Variants in PRR5L observed in about 807,000 individuals in gnomAD.
The protein encoded by PRR5L is proline-rich protein 5-like.
A neutral mutation model predicts 36.4 loss-of-function variants in PRR5L; 21 were observed. That is an observed-to-expected ratio of 0.58 (90% confidence interval 0.41 to 0.83). PRR5L has a LOEUF of 0.83. Ranked by LOEUF, PRR5L falls within the 40% of genes least tolerant of loss-of-function variation. PRR5L has a pLI of 0.00. For missense variants in PRR5L, 381 were observed against 473.3 expected, an observed-to-expected ratio of 0.80 and a Z score of 1.81; for synonymous variants, 188 against 197.0, an observed-to-expected ratio of 0.95 and a Z score of 0.38.
At chr11:36,459,466 T>C (rs1166947360) in intron 8 of PRR5L, among the ~76,000 whole-genome samples, 1 of 152,190 alleles carries the variant, frequency 6.6e-6, no homozygotes, top group East Asian at 1.9e-4. Flanking sequence ...TTCTCCTGCC[T>C]CTCTGACCCA....
intron 1 of PRR5L, among the ~76,000 whole-genome samples, chr11:36,397,443 CTTTTTTTTT>C (rs34024197): frequency 2.7e-3 from 95 of 35,104 alleles, no homozygotes; most frequent in African/African-American, 0.011. Flanking sequence ...CAGCCGATGC[CTTTTTTTTT>C]TTTTTTTTTT....
intron 1 of PRR5L, among the ~76,000 whole-genome samples, chr11:36,314,989 A>G (rs574414157): frequency 6.6e-6 from 1 of 152,354 alleles, no homozygotes; most frequent in Non-Finnish European, 1.5e-5. Flanking sequence ...ATCACAATGT[A>G]TGCTTTTTGT....
At chr11:36,419,457 C>T (rs1858217650) in intron 4 of PRR5L, among the ~76,000 whole-genome samples, 154 bp downstream of exon 4, 1 of 152,196 alleles carries the variant, frequency 6.6e-6, no homozygotes. Context: ...CAGAGGGGCA[C>T]CACTCCTGTG....
At chr11:36,374,696 G>A (rs147724504) in intron 1 of PRR5L, among the ~76,000 whole-genome samples, 12 of 152,276 alleles carry the variant, frequency 7.9e-5, no homozygotes, top group African/African-American at 2.4e-4. Flanking sequence ...AATCCCAGCA[G>A]GGATTCTAAA....
chr11:36,310,802 T>G (rs1052511520), intron 1 of PRR5L, among the ~76,000 whole-genome samples: 10 of 151,924 alleles, frequency 6.6e-5, no homozygotes, highest in South Asian at 2.1e-4. Context: ...ATTGAGACCA[T>G]CCTGGCGAAC....
At chr11:36,353,456 A>G (rs1856995388) in intron 1 of PRR5L, among the ~76,000 whole-genome samples, 1 of 152,196 alleles carries the variant, frequency 6.6e-6, no homozygotes, top group African/African-American at 2.4e-5. Flanking sequence ...TCACTCATTC[A>G]ACAAAAATAT....
At chr11:36,362,057 G>GGAAA (rs1310062108) in intron 1 of PRR5L, 1 of 80,276 alleles carries the variant, frequency 1.2e-5, no homozygotes, top group Non-Finnish European at 2.6e-5. Flanking sequence ...TACATAAAAG[G>GGAAA]CAAAAAAAAA....
chr11:36,316,064 T>C (rs1856553508), intron 1 of PRR5L, among the ~76,000 whole-genome samples: 3 of 152,174 alleles, frequency 2.0e-5, no homozygotes, highest in African/African-American at 7.2e-5. Context: ...TTATAGGGGA[T>C]TGACTGAGGG....
chr11:36,390,634 CA>C (rs1417621646), intron 1 of PRR5L, among the ~76,000 whole-genome samples: 2 of 152,138 alleles, frequency 1.3e-5, no homozygotes, highest in Non-Finnish European at 2.9e-5. Flanking sequence ...TGCTTCCAAA[CA>C]GGTGCTTTCA....
At position 36,431,837 on chromosome 11, in the gene PRR5L, T is replaced by C. The variant is rs1858503196; in HGVS notation, c.295-16T>C. The stretch of plus-strand genomic sequence containing the variant: ...GAGTTGTCCAAATTCTTATGTTCTT[T>C]GTTCTCTTTTGGCAGAACCAGCTTC... On this transcript the variant is annotated splice_polypyrimidine_tract_variant and intron_variant, in intron 4 of 8. Transcript: ENST00000530639. 2 of 1,613,780 alleles carry C rather than the reference T, an allele frequency of 1.2e-6. No homozygotes were observed. The highest frequency in any genetic ancestry group is 1.7e-6 in the Non-Finnish European group (2 of 1,179,630).
chr11:36,389,332 A>C (rs931071522), intron 1 of PRR5L, among the ~76,000 whole-genome samples: 2 of 152,146 alleles, frequency 1.3e-5, no homozygotes, highest in Admixed American at 6.5e-5. Flanking sequence ...TGCAAAGCCT[A>C]AGAGGGTTTT....
At chr11:36,399,429 T>C (rs1386113980) in intron 1 of PRR5L, among the ~76,000 whole-genome samples, 2 of 152,190 alleles carry the variant, frequency 1.3e-5, no homozygotes, top group Admixed American at 1.3e-4. Context: ...ATGGCTTGCC[T>C]CCATGCCCAT....
intron 3 of PRR5L, among the ~76,000 whole-genome samples, chr11:36,416,477 G>A (rs1858145110): frequency 6.6e-6 from 1 of 152,176 alleles, no homozygotes; most frequent in Non-Finnish European, 1.5e-5. Context: ...TTACCACATC[G>A]TGTCTGGTTC....
At chr11:36,343,058 T>C (rs1257142398) in intron 1 of PRR5L, among the ~76,000 whole-genome samples, 1 of 152,162 alleles carries the variant, frequency 6.6e-6, no homozygotes, top group African/African-American at 2.4e-5. Flanking sequence ...TGGCAGCTTA[T>C]GGGGATTCAC....
At chr11:36,359,080 G>A (rs58568327) in intron 1 of PRR5L, among the ~76,000 whole-genome samples, 35,335 of 152,128 alleles carry the variant, frequency 0.23, 4,947 homozygotes, top group East Asian at 0.66. Context: ...TAGGAGAACT[G>A]CATTTGAGTC....
At chr11:36,316,108 CTT>C (rs1278269939) in intron 1 of PRR5L, among the ~76,000 whole-genome samples, 1 of 152,162 alleles carries the variant, frequency 6.6e-6, no homozygotes, top group Non-Finnish European at 1.5e-5. Context: ...AATCAGCAAA[CTT>C]TTTTATGAAG....
intron 3 of PRR5L, among the ~76,000 whole-genome samples, chr11:36,407,122 G>A (rs975095875): frequency 7.2e-5 from 11 of 152,166 alleles, no homozygotes; most frequent in African/African-American, 2.7e-4. Flanking sequence ...ATAGTAAAGT[G>A]ATACATAATG....
chr11:36,352,683 G>A (rs993652475), intron 1 of PRR5L, among the ~76,000 whole-genome samples: 3 of 152,170 alleles, frequency 2.0e-5, no homozygotes, highest in Non-Finnish European at 2.9e-5. Flanking sequence ...AGAGGGCAGT[G>A]CTAATCCCAG....
chr11:36,390,601 G>C (rs1221507024), intron 1 of PRR5L, among the ~76,000 whole-genome samples: 2 of 152,136 alleles, frequency 1.3e-5, no homozygotes, highest in South Asian at 4.1e-4. Context: ...CTGCCTTCTG[G>C]TGGTTGTAAG....
Sources: gnomAD v4.1 joint callset for allele counts (sites outside exome capture counted in the v4.1 genomes callset) on GRCh38, gnomAD v4.1.1 for gene constraint, MANE v1.5 for transcripts, NCBI Gene and HGNC (gene_info 2026-07-23, HGNC 2026-07-21) for gene names.